MCTP1: variants seen among roughly 807,000 people sequenced by gnomAD.
MCTP1 encodes the protein multiple C2 and transmembrane domain containing 1.
In MCTP1, 69 loss-of-function variants were observed where a neutral mutation model predicts 120.6. The ratio of observed to expected loss-of-function variants is 0.57; its 90% CI spans 0.47 to 0.70. The LOEUF (loss-of-function observed/expected upper bound fraction) is 0.70. Ranked by LOEUF, MCTP1 falls within the 30% of genes least tolerant of loss-of-function variation. The pLI, the probability that MCTP1 is intolerant of heterozygous loss-of-function variation, is 0.00. For missense variants in MCTP1, 1,203 were observed against 1,248.8 expected (o/e 0.96, Z 0.55); for synonymous variants, 529 against 493.1 (o/e 1.07, Z -0.96).
chr5:94,845,242 G>T (rs1792063414), intron 17 of MCTP1, among the ~76,000 whole-genome samples: 1 of 152,174 alleles, frequency 6.6e-6, no homozygotes, highest in Admixed American at 6.5e-5. Flanking sequence ...TGCTAGGGAG[G>T]CCTCACAATC....
chr5:94,966,609 C>T (rs1210224171), intron 2 of MCTP1, among the ~76,000 whole-genome samples: 1 of 152,110 alleles, frequency 6.6e-6, no homozygotes, highest in African/African-American at 2.4e-5. Context: ...TCCTGGCTAA[C>T]ACGGTGAAAC....
At chr5:95,282,412 T>C (rs1260700777) in intron 1 of MCTP1, among the ~76,000 whole-genome samples, 2 of 152,176 alleles carry the variant, frequency 1.3e-5, no homozygotes, top group Non-Finnish European at 2.9e-5. Context: ...TTATCCTTGA[T>C]AGTGAAAGAA....
intron 19 of MCTP1, among the ~76,000 whole-genome samples, chr5:94,737,909 G>A (rs1404322838): frequency 6.6e-6 from 1 of 152,142 alleles, no homozygotes; most frequent in Non-Finnish European, 1.5e-5. Context: ...AAACTCCTGA[G>A]CTCAGGCGAT....
chr5:95,085,771 C>T (rs902820383), intron 1 of MCTP1, among the ~76,000 whole-genome samples: 4 of 152,094 alleles, frequency 2.6e-5, no homozygotes, highest in African/African-American at 9.7e-5. Context: ...ATCCACGATG[C>T]TGAAATACCA....
intron 10 of MCTP1, among the ~76,000 whole-genome samples, chr5:94,901,049 C>G (rs186473107): frequency 1.3e-5 from 2 of 152,262 alleles, no homozygotes; most frequent in East Asian, 3.9e-4. Flanking sequence ...AAATCTAAAA[C>G]AGATTTTTGT....
At chr5:95,059,716 G>A (rs1403382610) in intron 1 of MCTP1, among the ~76,000 whole-genome samples, 2 of 152,004 alleles carry the variant, frequency 1.3e-5, no homozygotes, top group African/African-American at 2.4e-5. Flanking sequence ...AAGAGGAGAA[G>A]AGTAGAGAGG....
chr5:94,786,926 G>T (rs951467767), intron 18 of MCTP1, among the ~76,000 whole-genome samples: 1 of 152,070 alleles, frequency 6.6e-6, no homozygotes, highest in Non-Finnish European at 1.5e-5. Context: ...TAAAAATTAG[G>T]CTTGATTAAT....
At chr5:94,964,752 T>C (rs1029217078) in intron 2 of MCTP1, among the ~76,000 whole-genome samples, 3 of 152,192 alleles carry the variant, frequency 2.0e-5, no homozygotes, top group Admixed American at 6.5e-5. Context: ...AGTAAGTCTC[T>C]TGTAGGTGGT....
At chr5:95,281,149 T>C (rs1562299445) in intron 1 of MCTP1, among the ~76,000 whole-genome samples, 1 of 152,262 alleles carries the variant, frequency 6.6e-6, no homozygotes, top group Non-Finnish European at 1.5e-5. Context: ...TTGAGTACTG[T>C]GCTTGTGAAC....
chr5:95,046,731 G>A (rs1372292307), intron 1 of MCTP1, among the ~76,000 whole-genome samples: 2 of 151,948 alleles, frequency 1.3e-5, no homozygotes, highest in African/African-American at 4.8e-5. Context: ...TTAGTTACAC[G>A]CTACTCCATA....
intron 2 of MCTP1, among the ~76,000 whole-genome samples, chr5:94,953,826 T>C (rs894968364): frequency 2.3e-5 from 1 of 42,844 alleles, no homozygotes; most frequent in Non-Finnish European, 4.0e-5. Context: ...CAAATATATA[T>C]ATACATATAT....
At chr5:94,811,151 A>G (rs913283181) in intron 17 of MCTP1, among the ~76,000 whole-genome samples, 5 of 152,112 alleles carry the variant, frequency 3.3e-5, no homozygotes, top group African/African-American at 1.2e-4. Context: ...TCAAATAATC[A>G]TCTTAGGCTG....
intron 19 of MCTP1, among the ~76,000 whole-genome samples, chr5:94,767,985 A>C (rs756065053): frequency 3.9e-5 from 6 of 152,208 alleles, no homozygotes; most frequent in Non-Finnish European, 8.8e-5. Context: ...AAGACATCAC[A>C]ATCCTTGACT....
intron 5 of MCTP1, among the ~76,000 whole-genome samples, chr5:94,939,799 C>T (rs546623060): frequency 1.3e-5 from 2 of 152,044 alleles, no homozygotes; most frequent in South Asian, 4.1e-4. Context: ...CAAATGAATA[C>T]TAATATTTGC....
At chr5:94,956,142 A>T (rs576593861) in intron 2 of MCTP1, among the ~76,000 whole-genome samples, 3 of 152,352 alleles carry the variant, frequency 2.0e-5, no homozygotes, top group Admixed American at 6.5e-5. Context: ...AGTTGACCCC[A>T]GCAAATTCCA....
At chr5:95,267,223 A>G (rs902350409) in intron 1 of MCTP1, among the ~76,000 whole-genome samples, 17 of 152,166 alleles carry the variant, frequency 1.1e-4, no homozygotes, top group Non-Finnish European at 1.9e-4. Context: ...TTAAATGTAC[A>G]CCTCCTTATA....
intron 3 of MCTP1, among the ~76,000 whole-genome samples, chr5:94,948,825 C>T (rs188644520): frequency 1.4e-4 from 21 of 152,212 alleles, no homozygotes; most frequent in Admixed American, 7.2e-4. Flanking sequence ...GAATAACTCT[C>T]GTGTACAACC....
intron 6 of MCTP1, among the ~76,000 whole-genome samples, chr5:94,925,592 G>T (rs955586059): frequency 2.0e-5 from 3 of 152,056 alleles, no homozygotes; most frequent in African/African-American, 7.2e-5. Flanking sequence ...GTATTTTTTA[G>T]TAGAGACGGG....
chr5:95,114,993 G>T (rs954628992), intron 1 of MCTP1, among the ~76,000 whole-genome samples: 1 of 152,122 alleles, frequency 6.6e-6, no homozygotes, highest in Non-Finnish European at 1.5e-5. Flanking sequence ...TGGTAATCCC[G>T]AGAATACTTC....
Sources: allele counts gnomAD v4.1 joint callset (sites outside exome capture counted in the v4.1 genomes callset), GRCh38; gene constraint gnomAD v4.1.1; transcripts MANE v1.5; gene names NCBI Gene and HGNC (gene_info 2026-07-23, HGNC 2026-07-21).